The following SDK1 variants were observed in gnomAD, a reference collection of about 807,000 sequenced individuals.
The protein encoded by SDK1 is sidekick cell adhesion molecule 1, also known as protein sidekick-1.
SDK1 carries 157 observed loss-of-function variants against 245.5 expected under a neutral mutation model. That is an observed-to-expected ratio of 0.64 (90% CI 0.56 to 0.73). The LOEUF is 0.73. SDK1 is among the 30% of genes least tolerant of loss of function. The probability of loss-of-function intolerance (pLI) is 0.00; values close to 1 mark genes in which losing one functional copy is unlikely to be tolerated. For synonymous variants in SDK1, 1,647 were observed against 1,278.5 expected, an observed-to-expected ratio of 1.29 and a Z score of -6.15; for missense variants, 3,583 against 3,002.3, an observed-to-expected ratio of 1.19 and a Z score of -4.52.
At chr7:4,255,993 C>A (rs1243360497) in intron 44 of SDK1, among the ~76,000 whole-genome samples, 1 of 146,440 alleles carries the variant, frequency 6.8e-6, no homozygotes, top group East Asian at 2.0e-4. Flanking sequence ...GATCTCAGCT[C>A]ACTGCAACCT....
chr7:3,308,074 T>C (rs1779461980), intron 1 of SDK1, among the ~76,000 whole-genome samples: 2 of 152,206 alleles, frequency 1.3e-5, no homozygotes, highest in South Asian at 2.1e-4. Flanking sequence ...ACACATGATA[T>C]ATTTACTCTA....
intron 22 of SDK1, among the ~76,000 whole-genome samples, chr7:4,106,261 A>G (rs1004812034): frequency 3.3e-5 from 5 of 151,442 alleles, no homozygotes; most frequent in African/African-American, 9.7e-5. Flanking sequence ...GATGAAGTGA[A>G]GTGGAGATCA....
rs555552794 is a variant in SDK1 at position 3,474,212 on chromosome 7, C to T, written c.299-144868C>T. Among the ~76,000 whole-genome samples, 264 of 147,288 alleles carry T rather than the reference C, an allele frequency of 1.8e-3. 2 individuals are homozygous for T. Among genetic ancestry groups the T allele is most frequent in the Non-Finnish European group, 2.3e-3 (152 of 67,470 alleles). On this transcript the variant is annotated intron_variant, in intron 1 of 44. Coordinates refer to ENST00000404826, the MANE Select transcript of SDK1 (RefSeq NM_152744.4). ...CTGCCTCCTGGGTTCAAACAGTTCT[C>T]CTGCCTCAGCCTCCCAAGTAGTGGT...
chr7:3,878,305 G>C (rs189652977), intron 5 of SDK1, among the ~76,000 whole-genome samples: 139 of 152,224 alleles, frequency 9.1e-4, no homozygotes, highest in African/African-American at 3.3e-3. Context: ...TGGATCACGA[G>C]GTCAGCAGAT....
intron 13 of SDK1, among the ~76,000 whole-genome samples, chr7:3,978,887 A>G (rs1457333574): frequency 2.0e-5 from 3 of 152,252 alleles, no homozygotes; most frequent in African/African-American, 2.4e-5. Flanking sequence ...GCTTCATTAA[A>G]TATAGAAATT....
chr7:3,576,834 G>C (rs1780308849), intron 1 of SDK1, among the ~76,000 whole-genome samples: 1 of 152,014 alleles, frequency 6.6e-6, no homozygotes, highest in Non-Finnish European at 1.5e-5. Flanking sequence ...TATATACAGT[G>C]CATAGTCTCT....
intron 35 of SDK1, among the ~76,000 whole-genome samples, chr7:4,194,391 T>C (rs575785757): frequency 9.9e-6 from 1 of 100,786 alleles, no homozygotes; most frequent in East Asian, 2.5e-4. Flanking sequence ...TGTATACATG[T>C]ATACATATAT....
At chr7:3,452,436 C>G (rs1780543120) in intron 1 of SDK1, among the ~76,000 whole-genome samples, 1 of 152,162 alleles carries the variant, frequency 6.6e-6, no homozygotes, top group Non-Finnish European at 1.5e-5. Context: ...TAGAGAGCCT[C>G]TTACTATAAA....
rs10479828 is a variant in SDK1, at chr7:3,740,199, T to C, written c.714-81251T>C. On this transcript the variant is annotated intron_variant, in intron 4 of 44. Transcript: ENST00000404826. ...GGTCAGTCAGAGGTGACGTACACTG[T>C]ACGTCAAATTGTATGTCAGTCTGTC... Among the ~76,000 whole-genome samples the C allele has an allele frequency of 8.7e-3, 1,328 of 152,288 alleles. 20 individuals carry two copies. The highest frequency in any genetic ancestry group is 0.031 in the African/African-American group (1,278 of 41,556).
chr7:3,571,413 C>T (rs1780112170), intron 1 of SDK1, among the ~76,000 whole-genome samples: 1 of 151,984 alleles, frequency 6.6e-6, no homozygotes, highest in South Asian at 2.1e-4. Context: ...AGTGATCCTC[C>T]AGCCTCAGCC....
intron 1 of SDK1, among the ~76,000 whole-genome samples, chr7:3,371,259 C>G (rs1781220094): frequency 6.9e-6 from 1 of 144,376 alleles, no homozygotes; most frequent in African/African-American, 2.4e-5. Flanking sequence ...CTTGAGGAAA[C>G]TAGGGATGTG....
chr7:3,701,859 G>C (rs73672153), intron 4 of SDK1, among the ~76,000 whole-genome samples: 6 of 138,288 alleles, frequency 4.3e-5, no homozygotes, highest in African/African-American at 1.3e-4. Flanking sequence ...AAGCATAAAA[G>C]CAATTCAATG....
Position 3,683,030 on chromosome 7 carries a change from G to A in SDK1, c.713+40925G>A, listed in dbSNP as rs115743654. ...ATCACAAGTATGAGCTACCACGCGCGGCCTGGATTTATAAATTCAATAGCA... is the reference window on the plus strand; with the variant it reads ...ATCACAAGTATGAGCTACCACGCGCAGCCTGGATTTATAAATTCAATAGCA... On this transcript the variant is annotated intron_variant, in intron 4 of 44. Coordinates refer to ENST00000404826, the MANE Select transcript of SDK1 (RefSeq NM_152744.4). 4.7e-3 allele frequency among the ~76,000 whole-genome samples: 720 copies of A among 152,218 alleles called. 4 individuals are homozygous for A. The highest frequency in any genetic ancestry group is 0.016 in the African/African-American group (670 of 41,530).
At chr7:3,954,396 T>C (rs554509780) in intron 7 of SDK1, among the ~76,000 whole-genome samples, 4 of 2,582 alleles carry the variant, frequency 1.5e-3, no homozygotes, top group African/African-American at 3.5e-3. Context: ...CCTCCCCTCC[T>C]GCCTCCCCTC....
At chr7:3,346,447 C>G (rs1022990502) in intron 1 of SDK1, among the ~76,000 whole-genome samples, 2 of 152,172 alleles carry the variant, frequency 1.3e-5, no homozygotes, top group Admixed American at 1.3e-4. Flanking sequence ...GAAGCTACTT[C>G]AGATTCCACA....
At chr7:4,028,131 A>G (rs1365400885) in intron 17 of SDK1, among the ~76,000 whole-genome samples, 1 of 152,094 alleles carries the variant, frequency 6.6e-6, no homozygotes, top group Non-Finnish European at 1.5e-5. Context: ...TCTCCTAGGA[A>G]CTTGTTAGAA....
Position 4,149,475 on chromosome 7 carries a change from G to C in SDK1, c.4625+12G>C, listed in dbSNP as rs757897724. The C allele has an allele frequency of 6.9e-7, 1 of 1,449,858 alleles. No homozygotes were observed. The highest frequency in any genetic ancestry group is 9.1e-7 in the Non-Finnish European group (1 of 1,096,808). The allele number at this position is 1,449,858 out of a possible 1,614,324, so 89.8% of individuals were successfully genotyped here. ...TGCGTCGTTGACAGGTACTGAGAGA[G>C]CAGGAGCACCTCCCCGGGGAACGGG... On this transcript the variant is annotated intron_variant, in intron 30 of 44. Transcript: ENST00000404826.
chr7:4,070,190 C>T (rs1303863116), intron 20 of SDK1, among the ~76,000 whole-genome samples: 2 of 152,170 alleles, frequency 1.3e-5, no homozygotes, highest in African/African-American at 4.8e-5. Context: ...TTTCTTTTTT[C>T]AGTGACCACA....
At chr7:3,362,991 A>T (rs540121187) in intron 1 of SDK1, among the ~76,000 whole-genome samples, 2 of 152,144 alleles carry the variant, frequency 1.3e-5, no homozygotes, top group Admixed American at 6.5e-5. Flanking sequence ...TGCCCCCTTC[A>T]TCAGTTTCCC....
Sources: allele counts gnomAD v4.1 joint callset (sites outside exome capture counted in the v4.1 genomes callset), GRCh38; gene constraint gnomAD v4.1.1; transcripts MANE v1.5; gene names NCBI Gene and HGNC (gene_info 2026-07-23, HGNC 2026-07-21).